KLHL36: variants seen among roughly 807,000 people sequenced by gnomAD.
KLHL36 encodes the protein kelch-like protein 36.
In KLHL36, 35 loss-of-function variants were observed where a neutral mutation model predicts 53.3. The observed-to-expected ratio is 0.66, with a 90% CI of 0.50 to 0.87. The LOEUF (loss-of-function observed/expected upper bound fraction) is 0.87, where lower values mean the gene tolerates loss of function less well. Ranked by LOEUF, KLHL36 falls within the 40% of genes least tolerant of loss-of-function variation. The pLI, the probability that KLHL36 is intolerant of heterozygous loss-of-function variation, is 0.00. For synonymous variants in KLHL36, 472 were observed against 398.9 expected (o/e 1.18, Z -2.18); for missense variants, 864 against 897.6 (o/e 0.96, Z 0.48).
rs1032138426 is a variant in KLHL36 at position 84,666,643 on chromosome 16, C to A, written c.*4510C>A. 1 of 152,176 alleles carries A rather than the reference C, an allele frequency of 6.6e-6. No homozygotes were observed. The highest frequency in any genetic ancestry group is 1.5e-5 in the Non-Finnish European group (1 of 68,042). The allele number at this position is 152,176 out of a possible 1,614,324, so 9.4% of individuals were successfully genotyped here. A position where few individuals can be genotyped will look rare whatever the true frequency, so the allele number is the denominator to read the frequency against. Reference sequence around the variant, plus strand: ...TTTTAAAGTATTCTTAACATGAAATCCACAAAAGCGGAAACAATGAACCAT... The same window carrying A: ...TTTTAAAGTATTCTTAACATGAAATACACAAAAGCGGAAACAATGAACCAT... On this transcript the variant is annotated 3_prime_UTR_variant, in exon 5 of 5. Transcript: ENST00000564996.
chr16:84,660,669 T>G (rs8054417), intron 4 of KLHL36, among the ~76,000 whole-genome samples: 1 of 151,954 alleles, frequency 6.6e-6, no homozygotes, highest in Non-Finnish European at 1.5e-5. Flanking sequence ...TCACCCAGGC[T>G]GGAGTGCAGT....
At chr16:84,652,347 T>C (rs1597214014) in intron 2 of KLHL36, among the ~76,000 whole-genome samples, 1 of 152,152 alleles carries the variant, frequency 6.6e-6, no homozygotes, top group African/African-American at 2.4e-5. Flanking sequence ...CATAGCTCAC[T>C]GCAGCCTCTA....
intron 2 of KLHL36, among the ~76,000 whole-genome samples, chr16:84,655,757 C>T (rs1335897283): frequency 2.0e-5 from 3 of 151,894 alleles, no homozygotes; most frequent in South Asian, 4.1e-4. Context: ...TAATAGCCCT[C>T]GGTCAGTTTT....
rs1436695424 is a variant in KLHL36, at chr16:84,662,110, A to G, written c.1828A>G (p.Arg610Gly). 1.3e-6 allele frequency: 2 copies of G among 1,557,090 alleles called. No homozygotes were observed. The highest frequency in any genetic ancestry group is 1.7e-6 in the Non-Finnish European group (2 of 1,149,942). The change falls in exon 5 of 5, where the codon AGG (arginine) becomes GGG (glycine). Residue 610 changes from arginine to glycine, a missense_variant. Coordinates refer to ENST00000564996, the MANE Select transcript of KLHL36 (RefSeq NM_024731.4). ...CAAGAAGAAGAAAGGCAAAGGCAAGAGGCACCAGGACCGGGGCCAGTGACC... is the reference window on the plus strand; with the variant it reads ...CAAGAAGAAGAAAGGCAAAGGCAAGGGGCACCAGGACCGGGGCCAGTGACC... The part of the protein sequence containing the change: ...EDKKKKGKGK[R>G]HQDRGQ
rs1907593746 is a variant in KLHL36, at chr16:84,662,081, A to G, written c.1799A>G (p.Glu600Gly). The change falls in exon 5 of 5, where the codon GAG (glutamate) becomes GGG (glycine). Residue 600 changes from glutamate to glycine, a missense_variant. Transcript: ENST00000564996. ...GTCTGCGCCCTGGAGCCACGGCCAGAGGACAAGAAGAAGAAAGGCAAAGGC... is the reference window on the plus strand; with the variant it reads ...GTCTGCGCCCTGGAGCCACGGCCAGGGGACAAGAAGAAGAAAGGCAAAGGC... ...ACVCALEPRPEDKKKKGKGKR... is the reference protein window; with the variant it reads ...ACVCALEPRPGDKKKKGKGKR... 5 of 1,574,062 alleles carry G rather than the reference A, an allele frequency of 3.2e-6. No individual in the cohort carries two copies. In the East Asian group the frequency reaches 9.2e-5, roughly 29 times the overall value.
intron 2 of KLHL36, among the ~76,000 whole-genome samples, chr16:84,655,197 C>G (rs1310841980): frequency 6.6e-6 from 1 of 152,184 alleles, no homozygotes. Flanking sequence ...GAGAATGTGG[C>G]CTGCTCCTGT....
intron 4 of KLHL36, 145 bp downstream of exon 4, chr16:84,660,062 T>A: frequency 1.2e-6 from 1 of 834,114 alleles, no homozygotes; most frequent in Non-Finnish European, 1.9e-6. Flanking sequence ...GGGTACACCA[T>A]GAGGGGCGGA....
chr16:84,655,201 C>T (rs1006177119), intron 2 of KLHL36, among the ~76,000 whole-genome samples: 14 of 152,170 alleles, frequency 9.2e-5, no homozygotes, highest in African/African-American at 3.4e-4. Flanking sequence ...ATGTGGCCTG[C>T]TCCTGTAGCA....
chr16:84,659,910 T>G lies in KLHL36; in HGVS notation c.1288T>G (p.Leu430Val), dbSNP rs747168758. The G allele has an allele frequency of 6.2e-7, 1 of 1,605,272 alleles. No homozygotes were observed. The highest frequency in any genetic ancestry group is 8.5e-7 in the Non-Finnish European group (1 of 1,172,674). The change falls in exon 4 of 5, where the codon TTG becomes GTG. Residue 430 changes from leucine to valine, a missense_variant. Coordinates refer to ENST00000564996, the MANE Select transcript of KLHL36 (RefSeq NM_024731.4). ...TGACTCCTGGTCCTATGTGGCCGGC[T>G]TGCCAAGGTGATCTGGGGCTTGGTG... is the stretch of plus-strand genomic sequence containing the variant. ...KTDSWSYVAG[L>V]PRFTYGHAGT...
At position 84,657,467 on chromosome 16, in the gene KLHL36, G is replaced by A. The variant is rs1411848834; in HGVS notation, c.660G>A (p.Gln220=). 1 of 1,606,612 alleles carries A rather than the reference G, an allele frequency of 6.2e-7. No homozygotes were observed. The part of the protein sequence containing the change: ...LLQAALQWLT[Q]QPEREAHARQ... ...AGGCCGCCCTGCAGTGGCTGACGCA[G>A]CAGCCCGAGCGCGAGGCCCACGCCC... The change falls in exon 3 of 5, where the codon CAG becomes CAA. Residue 220 remains glutamine (Q), a synonymous_variant. Transcript: ENST00000564996.
chr16:84,662,292 A>C lies in KLHL36; in HGVS notation c.*159A>C. 2 of 682,912 alleles carry C rather than the reference A, an allele frequency of 2.9e-6. No homozygotes were observed. Among genetic ancestry groups the C allele is most frequent in the Non-Finnish European group, 4.8e-6 (2 of 420,842 alleles). 42.3% of individuals were successfully genotyped at this position (682,912 alleles called of 1,614,324 possible). A position where few individuals can be genotyped will look rare whatever the true frequency, so the allele number is the denominator to read the frequency against. Reference sequence around the variant, plus strand: ...TCTATGATATCACAGTAACCAATTAAATACTATCTGTAACTTTACATATCT... The same window carrying C: ...TCTATGATATCACAGTAACCAATTACATACTATCTGTAACTTTACATATCT... On this transcript the variant is annotated 3_prime_UTR_variant, in exon 5 of 5. Coordinates refer to ENST00000564996, the MANE Select transcript of KLHL36 (RefSeq NM_024731.4).
At position 84,661,822 on chromosome 16, in the gene KLHL36, C is replaced by T. The variant is rs1907569891; in HGVS notation, c.1540C>T (p.Leu514=). 1 of 1,608,870 alleles carries T rather than the reference C, an allele frequency of 6.2e-7. No individual in the cohort carries two copies. Among genetic ancestry groups the T allele is most frequent in the Non-Finnish European group, 8.5e-7 (1 of 1,176,174 alleles). Residue 514 remains leucine (L), a synonymous_variant, in exon 5 of 5, where the codon CTG becomes TTG. Coordinates refer to ENST00000564996, the MANE Select transcript of KLHL36 (RefSeq NM_024731.4). The surrounding 1 kb of genome is among the most constrained non-coding windows in gnomAD (Gnocchi z 7.9). ...NIESMERFDV[L]GVEAYSPQCN... is the part of the protein sequence containing the mutation. ...CGAGTCCATGGAGCGCTTCGACGTGCTGGGCGTGGAGGCCTACAGCCCGCA... is the reference window on the plus strand; with the variant it reads ...CGAGTCCATGGAGCGCTTCGACGTGTTGGGCGTGGAGGCCTACAGCCCGCA...
chr16:84,649,184 G>T (rs1192286810), intron 1 of KLHL36: 1 of 152,288 alleles, frequency 6.6e-6, no homozygotes, highest in African/African-American at 2.4e-5. Context: ...TGTGCTTGGG[G>T]GTGGCCTTGA....
In KLHL36 at chr16:84,661,879, C is replaced by T. The variant is rs778520012; in HGVS notation, c.1597C>T (p.Leu533=). The part of the protein sequence containing the change: ...CNQWTRVAPL[L]HANSESGVAV... ...CCAGTGGACCCGCGTGGCGCCGCTG[C>T]TGCACGCCAACAGCGAGTCGGGCGT... Residue 533 remains leucine (L), a synonymous_variant, in exon 5 of 5, where the codon CTG becomes TTG. Transcript: ENST00000564996. This position sits in a 1 kb window ranked among gnomAD's most constrained non-coding sequence, Gnocchi z 7.9. The T allele has an allele frequency of 5.0e-6, 8 of 1,600,852 alleles. No homozygotes were observed. The South Asian group carries it at 6.6e-5, about 13-fold the overall frequency.
chr16:84,651,947 G>A (rs1906909788), intron 2 of KLHL36, among the ~76,000 whole-genome samples: 1 of 152,116 alleles, frequency 6.6e-6, no homozygotes, highest in Non-Finnish European at 1.5e-5. Flanking sequence ...AGAAAAAGGG[G>A]GAAAGAGATT....
chr16:84,660,042 C>A, intron 4 of KLHL36, 125 bp downstream of exon 4: 1 of 985,306 alleles, frequency 1.0e-6, no homozygotes, highest in Non-Finnish European at 1.5e-6. Flanking sequence ...TCCGGCTTGT[C>A]AGGAAGAGTG....
chr16:84,652,704 C>G (rs930604297), intron 2 of KLHL36, among the ~76,000 whole-genome samples: 2 of 152,230 alleles, frequency 1.3e-5, no homozygotes, highest in Admixed American at 6.5e-5. Context: ...AAGATAGTCG[C>G]TGTCCCAACC....
Position 84,648,538 on chromosome 16 carries a change from A to T in KLHL36, c.-128A>T, listed in dbSNP as rs973842833. On this transcript the variant is annotated 5_prime_UTR_variant, in exon 1 of 5. The change abolishes an upstream ATG in the 5' untranslated region. Coordinates refer to ENST00000564996, the MANE Select transcript of KLHL36 (RefSeq NM_024731.4). The surrounding 1 kb of genome is among the most constrained non-coding windows in gnomAD (Gnocchi z 4.9). ...CGGCCTCGCACTTCCTGGCGGAGCC[A>T]TGGCTGCGCAGCGGGCTGGCCGGGG... 3 of 146,138 alleles carry T rather than the reference A, an allele frequency of 2.1e-5. No homozygotes were observed. Among genetic ancestry groups the T allele is most frequent in the African/African-American group, 7.4e-5 (3 of 40,442 alleles). 9.1% of individuals were successfully genotyped at this position (146,138 alleles called of 1,614,324 possible).
In KLHL36 at chr16:84,661,118, C is replaced by A. The variant is rs1439836384; in HGVS notation, c.1296-460C>A. On this transcript the variant is annotated intron_variant, in intron 4 of 4. Coordinates refer to ENST00000564996, the MANE Select transcript of KLHL36 (RefSeq NM_024731.4). This position sits in a 1 kb window ranked among gnomAD's most constrained non-coding sequence, Gnocchi z 7.9. ...CCCTCCCCTCTCCCCACAGTCCTGGCAGCCACTGATTTTGCTGTCTCTATG... is the reference window on the plus strand; with the variant it reads ...CCCTCCCCTCTCCCCACAGTCCTGGAAGCCACTGATTTTGCTGTCTCTATG... Among the ~76,000 whole-genome samples the A allele has an allele frequency of 3.3e-5, 5 of 152,216 alleles. No individual in the cohort carries two copies. Among genetic ancestry groups the A allele is most frequent in the African/African-American group, 1.2e-4 (5 of 41,466 alleles).
Sources: allele counts gnomAD v4.1 joint callset (sites outside exome capture counted in the v4.1 genomes callset), GRCh38; gene constraint gnomAD v4.1.1; non-coding constraint Gnocchi (gnomAD v3.1); transcripts MANE v1.5; gene names NCBI Gene and HGNC (gene_info 2026-07-23, HGNC 2026-07-21).